Variants in EDNRA observed in about 807,000 individuals in gnomAD.
The protein encoded by EDNRA is endothelin-1 receptor.
EDNRA carries 11 observed loss-of-function variants against 41.4 expected under a neutral mutation model. The observed-to-expected ratio is 0.27, with a 90% CI of 0.17 to 0.44. EDNRA has a LOEUF of 0.44. Ranked by LOEUF, EDNRA falls within the 20% of genes least tolerant of loss-of-function variation. EDNRA has a pLI of 1.00. For missense variants in EDNRA, 294 were observed against 531.0 expected, an observed-to-expected ratio of 0.55 and a Z score of 4.39; for synonymous variants, 172 against 183.0, an observed-to-expected ratio of 0.94 and a Z score of 0.49.
intron 3 of EDNRA, among the ~76,000 whole-genome samples, chr4:147,525,223 A>T (rs1239365563): frequency 6.6e-6 from 1 of 152,246 alleles, no homozygotes; most frequent in African/African-American, 2.4e-5. Flanking sequence ...TCAGCTTTTA[A>T]TCTGAATAAG....
Position 147,481,314 on chromosome 4 carries a change from C to A in EDNRA, c.-133C>A. 6.5e-6 allele frequency: 1 copy of A among 152,874 alleles called. No individual in the cohort carries two copies. The highest frequency in any genetic ancestry group is 2.0e-4 in the South Asian group (1 of 5,116). 9.5% of individuals were successfully genotyped at this position (152,874 alleles called of 1,614,324 possible). A position where few individuals can be genotyped will look rare whatever the true frequency, so the allele number is the denominator to read the frequency against. Reference sequence around the variant, plus strand: ...CCGCGCCACCCACCCTCGCCGGCTCCGGCTTCCTCTGGCCCAGGCGCCGCG... The same window carrying A: ...CCGCGCCACCCACCCTCGCCGGCTCAGGCTTCCTCTGGCCCAGGCGCCGCG... On this transcript the variant is annotated 5_prime_UTR_variant, in exon 1 of 8. Coordinates refer to ENST00000651419, the MANE Select transcript of EDNRA (RefSeq NM_001957.4).
intron 3 of EDNRA, among the ~76,000 whole-genome samples, chr4:147,522,774 A>T (rs1730369193): frequency 6.6e-6 from 1 of 152,220 alleles, no homozygotes; most frequent in African/African-American, 2.4e-5. Context: ...AGTTGAAGAG[A>T]TGTATTCTGA....
At chr4:147,528,759 A>G (rs72961642) in intron 3 of EDNRA, among the ~76,000 whole-genome samples, 220 of 152,236 alleles carry the variant, frequency 1.4e-3, no homozygotes, top group African/African-American at 5.1e-3. Flanking sequence ...ACAATTCTGG[A>G]GGGGGAGTTG....
At chr4:147,511,176 G>C (rs553280716) in intron 2 of EDNRA, among the ~76,000 whole-genome samples, 2 of 152,168 alleles carry the variant, frequency 1.3e-5, no homozygotes, top group South Asian at 2.1e-4. Context: ...CTAGAAGACA[G>C]CCTGGCTTCT....
At chr4:147,498,910 A>G (rs1173282636) in intron 2 of EDNRA, among the ~76,000 whole-genome samples, 1 of 152,244 alleles carries the variant, frequency 6.6e-6, no homozygotes, top group Non-Finnish European at 1.5e-5. Context: ...CAGACACTTC[A>G]TAACCTTTGA....
chr4:147,510,888 G>C (rs1729896480), intron 2 of EDNRA, among the ~76,000 whole-genome samples: 1 of 152,164 alleles, frequency 6.6e-6, no homozygotes, highest in African/African-American at 2.4e-5. Flanking sequence ...GAGATAAATG[G>C]AGTTAATAAT....
intron 3 of EDNRA, among the ~76,000 whole-genome samples, chr4:147,524,072 A>G (rs144362029): frequency 2.6e-4 from 39 of 152,256 alleles, no homozygotes; most frequent in African/African-American, 8.7e-4. Context: ...TGAACTTTAA[A>G]AGAATGGTAG....
rs1266076535 is a variant in EDNRA at position 147,486,869 on chromosome 4, C to T, written c.420+768C>T. On this transcript the variant is annotated intron_variant, in intron 2 of 7. Transcript: ENST00000651419. This position sits in a 1 kb window ranked among gnomAD's most constrained non-coding sequence, Gnocchi z 4.3. Reference sequence around the variant, plus strand: ...AGAGGAAGATAACTAACCTTGCTTACAGACTGTATTAGGCCATTTCTACAT... The same window carrying T: ...AGAGGAAGATAACTAACCTTGCTTATAGACTGTATTAGGCCATTTCTACAT... Among the ~76,000 whole-genome samples, 5 of 146,930 alleles carry T rather than the reference C, an allele frequency of 3.4e-5. No homozygotes were observed. Among genetic ancestry groups the T allele is most frequent in the Non-Finnish European group, 6.0e-5 (4 of 67,142 alleles).
Position 147,539,957 on chromosome 4 carries a change from T to G in EDNRA, c.1034+7T>G. 1 of 1,577,104 alleles carries G rather than the reference T, an allele frequency of 6.3e-7. No individual in the cohort carries two copies. Among genetic ancestry groups the G allele is most frequent in the Non-Finnish European group, 8.6e-7 (1 of 1,168,870 alleles). The stretch of plus-strand genomic sequence containing the variant: ...ACCGATGTGAATTACTTAGGTATGA[T>G]CCTGTGTACTCGCTAGAAAATTGGA... On this transcript the variant is annotated splice_region_variant and intron_variant, in intron 6 of 7. Coordinates refer to ENST00000651419, the MANE Select transcript of EDNRA (RefSeq NM_001957.4).
chr4:147,504,760 G>C (rs1729629058), intron 2 of EDNRA, among the ~76,000 whole-genome samples: 1 of 151,786 alleles, frequency 6.6e-6, no homozygotes, highest in East Asian at 1.9e-4. Context: ...TTAAGGACCA[G>C]CCTGGGCAAC....
intron 3 of EDNRA, among the ~76,000 whole-genome samples, chr4:147,520,742 G>A (rs1425684436): frequency 6.6e-6 from 1 of 152,168 alleles, no homozygotes; most frequent in Non-Finnish European, 1.5e-5. Context: ...ATTTAGAAGA[G>A]GTTTTCATTC....
At chr4:147,536,493 GA>G (rs1463010616) in intron 5 of EDNRA, among the ~76,000 whole-genome samples, 140 of 152,338 alleles carry the variant, frequency 9.2e-4, no homozygotes, top group African/African-American at 3.0e-3. Context: ...GAGTCATGGG[GA>G]AGCTGTTCAT....
At chr4:147,528,361 T>C (rs10679030) in intron 3 of EDNRA, among the ~76,000 whole-genome samples, 16,137 of 98,492 alleles carry the variant, frequency 0.16, 1,010 homozygotes, top group African/African-American at 0.28. Context: ...TGCTTTCTTT[T>C]TTTTTTTTTT....
At position 147,536,044 on chromosome 4, in the gene EDNRA, A is replaced by G; in HGVS notation, c.900+15A>G. 1 of 1,613,634 alleles carries G rather than the reference A, an allele frequency of 6.2e-7. No homozygotes were observed. Among genetic ancestry groups the G allele is most frequent in the Non-Finnish European group, 8.5e-7 (1 of 1,179,800 alleles). On this transcript the variant is annotated intron_variant, in intron 5 of 7. Coordinates refer to ENST00000651419, the MANE Select transcript of EDNRA (RefSeq NM_001957.4). Reference sequence around the variant, plus strand: ...ATCTTAAGCAGGTAAATCCCATAACATCATGAAAATCTGGCCAGGACTGGT... The same window carrying G: ...ATCTTAAGCAGGTAAATCCCATAACGTCATGAAAATCTGGCCAGGACTGGT...
chr4:147,526,457 C>G (rs901724067), intron 3 of EDNRA, among the ~76,000 whole-genome samples: 1 of 152,142 alleles, frequency 6.6e-6, no homozygotes, highest in Admixed American at 6.5e-5. Context: ...CCCATCTCCC[C>G]CTCCATGTAG....
chr4:147,507,375 T>A (rs6537485), intron 2 of EDNRA, among the ~76,000 whole-genome samples: 38,101 of 152,112 alleles, frequency 0.25, 9,206 homozygotes, highest in African/African-American at 0.64. Flanking sequence ...CAAGTCACTG[T>A]TACACACAAC....
intron 2 of EDNRA, among the ~76,000 whole-genome samples, chr4:147,501,753 T>C (rs1288875718): frequency 6.6e-6 from 1 of 152,166 alleles, no homozygotes; most frequent in Admixed American, 6.5e-5. Context: ...TGTGGGAGAG[T>C]GCCATAGGTT....
In EDNRA at chr4:147,485,912, A is replaced by G. The variant is rs778366746; in HGVS notation, c.231A>G (p.Ser77=). The G allele has an allele frequency of 2.5e-6, 4 of 1,614,244 alleles. No homozygotes were observed. Among genetic ancestry groups the G allele is most frequent in the Non-Finnish European group, 3.4e-6 (4 of 1,180,048 alleles). ...NYCPQQTKIT[S]AFKYINTVIS... ...GCCCACAGCAGACTAAAATTACTTC[A>G]GCTTTCAAATACATTAACACTGTGA... The change falls in exon 2 of 8, where the codon TCA becomes TCG. Residue 77 remains serine, a synonymous_variant. Coordinates refer to ENST00000651419, the MANE Select transcript of EDNRA (RefSeq NM_001957.4).
chr4:147,523,296 G>C (rs1206970879), intron 3 of EDNRA, among the ~76,000 whole-genome samples: 11 of 152,198 alleles, frequency 7.2e-5, no homozygotes, highest in African/African-American at 2.2e-4. Context: ...TTCTCCACAA[G>C]AGATGCCTAT....
Sources: gnomAD v4.1 joint callset for allele counts (sites outside exome capture counted in the v4.1 genomes callset) on GRCh38, gnomAD v4.1.1 for gene constraint, Gnocchi (gnomAD v3.1) non-coding constraint, MANE v1.5 for transcripts, NCBI Gene and HGNC (gene_info 2026-07-23, HGNC 2026-07-21) for gene names.